Variants in ADI1 observed in about 807,000 individuals in gnomAD.
ADI1 encodes the protein acireductone dioxygenase 1, also known as acireductone dioxygenase.
Under a neutral mutation model 18.7 loss-of-function variants are expected in ADI1, and 21 were observed. The ratio of observed to expected loss-of-function variants is 1.13; its 90% confidence interval spans 0.80 to 1.62. ADI1 has a LOEUF of 1.62. Among genes scored for constraint, ADI1 ranks in the 40% most tolerant of loss-of-function variants. The probability of loss-of-function intolerance (pLI) is 0.00; values close to 1 mark genes in which losing one functional copy is unlikely to be tolerated. For missense variants in ADI1, 245 were observed against 254.9 expected (o/e 0.96, Z 0.26); for synonymous variants, 90 against 100.1 (o/e 0.90, Z 0.60).
At chr2:3,509,285 T>C (rs1407523978) in intron 2 of ADI1, among the ~76,000 whole-genome samples, 1 of 152,136 alleles carries the variant, frequency 6.6e-6, no homozygotes, top group African/African-American at 2.4e-5. Flanking sequence ...AGAAAATCAG[T>C]AAAGATATAG....
intron 2 of ADI1, among the ~76,000 whole-genome samples, chr2:3,503,982 GC>G (rs1038367133): frequency 1.9e-4 from 29 of 152,340 alleles, no homozygotes; most frequent in African/African-American, 7.0e-4. Flanking sequence ...GACAGTCACA[GC>G]CCACAAAGGC....
chr2:3,503,469 G>A (rs1223084888), intron 2 of ADI1, among the ~76,000 whole-genome samples: 1 of 129,262 alleles, frequency 7.7e-6, no homozygotes, highest in African/African-American at 3.6e-5. Flanking sequence ...ACACTCACAC[G>A]TGTGCATTCA....
rs189846829 is a variant in ADI1 at position 3,517,137 on chromosome 2, G to A, written c.120+2231C>T. 3.0e-3 allele frequency: 463 copies of A among 155,308 alleles called. 2 individuals are homozygous for A. The highest frequency in any genetic ancestry group is 0.01 in the African/African-American group (434 of 41,622). The allele number at this position is 155,308 out of a possible 1,614,324, so 9.6% of individuals were successfully genotyped here. On this transcript the variant is annotated intron_variant, in intron 1 of 3. Transcript: ENST00000327435. The stretch of plus-strand genomic sequence containing the variant: ...TGATCAAACTAAAACTTTAAAGAAG[G>A]AGGTGCATCTCAAACAGACCAGCTT...
At chr2:3,500,540 C>A (rs1666974035) in intron 3 of ADI1, 1 of 437,248 alleles carries the variant, frequency 2.3e-6, no homozygotes, top group Non-Finnish European at 3.9e-6. Context: ...GCCGCATGTA[C>A]CTGCCGCCGC....
At chr2:3,519,329 G>T in intron 1 of ADI1, 39 bp downstream of exon 1, 1 of 1,355,038 alleles carries the variant, frequency 7.4e-7, no homozygotes, top group Non-Finnish European at 9.5e-7. Context: ...TTGGGGGTCG[G>T]CGTCGCCCGC....
intron 2 of ADI1, among the ~76,000 whole-genome samples, chr2:3,502,331 T>C (rs931980135): frequency 1.3e-4 from 20 of 152,194 alleles, no homozygotes; most frequent in Non-Finnish European, 2.8e-4. Flanking sequence ...GCCCCCAGCC[T>C]ACCTTGTTAT....
rs763293664 is a variant in ADI1, at chr2:3,513,917, G to C, written c.180C>G (p.Asn60Lys). The C allele has an allele frequency of 2.5e-6, 4 of 1,612,386 alleles. No individual in the cohort carries two copies. Among genetic ancestry groups the C allele is most frequent in the Non-Finnish European group, 3.4e-6 (4 of 1,179,676 alleles). ...TGGTTATGATGTCCATCCAGGAGTA[G>C]TTCCTCTCTCTTCGGATCTTTTCTA... Reference protein sequence around the residue: ...PELEKIRRERNYSWMDIITIC... With the variant: ...PELEKIRRERKYSWMDIITIC... Residue 60 changes from asparagine (N) to lysine (K), a missense_variant, in exon 2 of 4, where the codon AAC (asparagine) becomes AAG (lysine). Coordinates refer to ENST00000327435, the MANE Select transcript of ADI1 (RefSeq NM_018269.4).
intron 1 of ADI1, among the ~76,000 whole-genome samples, chr2:3,519,077 G>A (rs1359854462): frequency 2.7e-5 from 4 of 150,714 alleles, no homozygotes; most frequent in Middle Eastern, 3.2e-3. Flanking sequence ...AGCATGCGCA[G>A]CACACCACAG....
chr2:3,499,130 TTCTAC>T, intron 3 of ADI1, 48 bp from the exon 4 acceptor site: 1 of 1,545,976 alleles, frequency 6.5e-7, no homozygotes, highest in South Asian at 1.1e-5. Context: ...CCAGCCGGCC[TTCTAC>T]TTAGTATTTA....
chr2:3,519,089 C>T (rs1471835724), intron 1 of ADI1, among the ~76,000 whole-genome samples: 1 of 151,220 alleles, frequency 6.6e-6, no homozygotes, highest in Non-Finnish European at 1.5e-5. Context: ...ACACCACAGG[C>T]GCTGGGGGCT....
chr2:3,519,258 G>A (rs1312636501), intron 1 of ADI1, 110 bp downstream of exon 1: 4 of 1,294,282 alleles, frequency 3.1e-6, no homozygotes, highest in African/African-American at 1.6e-5. Flanking sequence ...AGCATGCGCA[G>A]CATGCCGCGG....
intron 2 of ADI1, among the ~76,000 whole-genome samples, chr2:3,502,210 T>A (rs1667039213): frequency 6.6e-6 from 1 of 151,964 alleles, no homozygotes. Context: ...AAAAAATTTT[T>A]TCTAGAGACA....
chr2:3,510,615 A>C (rs1216353773), intron 2 of ADI1, among the ~76,000 whole-genome samples: 2 of 152,194 alleles, frequency 1.3e-5, no homozygotes, highest in African/African-American at 4.8e-5. Flanking sequence ...AGCACTACAT[A>C]CTCTACAGAT....
intron 1 of ADI1, among the ~76,000 whole-genome samples, chr2:3,519,071 T>C (rs1181478829): frequency 1.3e-5 from 2 of 149,204 alleles, no homozygotes; most frequent in Admixed American, 1.3e-4. Flanking sequence ...CTGCTGAGCA[T>C]GCGCAGCACA....
At chr2:3,499,119 A>G (rs894858391) in intron 3 of ADI1, 37 bp from the exon 4 acceptor site, 6 of 1,584,512 alleles carry the variant, frequency 3.8e-6, no homozygotes, top group Non-Finnish European at 5.1e-6. Flanking sequence ...ATCTCATTAA[A>G]CCAGCCGGCC....
At chr2:3,517,326 T>C (rs1667430455) in intron 1 of ADI1, 1 of 152,222 alleles carries the variant, frequency 6.6e-6, no homozygotes, top group Admixed American at 6.5e-5. Context: ...AAACCCACTG[T>C]TGTGCTATTA....
chr2:3,499,157 A>T, intron 3 of ADI1, 75 bp from the exon 4 acceptor site: 1 of 1,542,620 alleles, frequency 6.5e-7, no homozygotes, highest in Non-Finnish European at 8.8e-7. Flanking sequence ...TAACATATCA[A>T]CTTGTTAACA....
At position 3,498,883 on chromosome 2, in the gene ADI1, A is replaced by G; in HGVS notation, c.*80T>C. 5 of 1,517,922 alleles carry G rather than the reference A, an allele frequency of 3.3e-6. No individual in the cohort carries two copies. The highest frequency in any genetic ancestry group is 4.4e-6 in the Non-Finnish European group (5 of 1,124,362). 94.0% of individuals were successfully genotyped at this position (1,517,922 alleles called of 1,614,324 possible). On this transcript the variant is annotated 3_prime_UTR_variant, in exon 4 of 4. Transcript: ENST00000327435. The stretch of plus-strand genomic sequence containing the variant: ...GCCTCAAGGCTATCCTCTAAAAGCA[A>G]AGAGAAAGTGATTGATTTTCTGCTC...
intron 2 of ADI1, among the ~76,000 whole-genome samples, chr2:3,511,254 G>A (rs1667288850): frequency 6.6e-6 from 1 of 152,136 alleles, no homozygotes; most frequent in South Asian, 2.1e-4. Context: ...AGCTTCCTGA[G>A]GCCTCTCTAG....
Sources: allele counts gnomAD v4.1 joint callset (sites outside exome capture counted in the v4.1 genomes callset), GRCh38; gene constraint gnomAD v4.1.1; transcripts MANE v1.5; gene names NCBI Gene and HGNC (gene_info 2026-07-23, HGNC 2026-07-21).